LRIG2: variants seen among roughly 807,000 people sequenced by gnomAD.
The protein encoded by LRIG2 is leucine-rich repeats and immunoglobulin-like domains protein 2.
In LRIG2, 93 loss-of-function variants were observed where a neutral mutation model predicts 107.8. The ratio of observed to expected loss-of-function variants is 0.86; its 90% CI spans 0.73 to 1.03. LRIG2 has a LOEUF of 1.03. Among genes scored for constraint, LRIG2 ranks in the 50% least tolerant of loss-of-function variants. The pLI is 0.00. For missense variants in LRIG2, 1,226 were observed against 1,296.0 expected, an observed-to-expected ratio of 0.95 and a Z score of 0.83; for synonymous variants, 471 against 470.6, an observed-to-expected ratio of 1.00 and a Z score of -0.01.
chr1:113,105,630 G>C (rs1261862971), intron 11 of LRIG2, among the ~76,000 whole-genome samples: 1 of 152,082 alleles, frequency 6.6e-6, no homozygotes, highest in Non-Finnish European at 1.5e-5. Context: ...AGTTGCATTA[G>C]AGCCAGGTGT....
At chr1:113,120,154 A>C (rs926148707) in intron 17 of LRIG2, among the ~76,000 whole-genome samples, 1 of 151,884 alleles carries the variant, frequency 6.6e-6, no homozygotes, top group Non-Finnish European at 1.5e-5. Flanking sequence ...TAAATAAAAG[A>C]ATAAAATATG....
Position 113,112,418 on chromosome 1 carries a change from T to G in LRIG2, c.1799-61T>G. Reference sequence around the variant, plus strand: ...TACTAGATTCTTTCATGCCTATTTGTATGCATATATGTGTCTTTGTTCCCT... The same window carrying G: ...TACTAGATTCTTTCATGCCTATTTGGATGCATATATGTGTCTTTGTTCCCT... On this transcript the variant is annotated intron_variant, in intron 13 of 17. Transcript: ENST00000361127. 5 of 1,455,182 alleles carry G rather than the reference T, an allele frequency of 3.4e-6. No individual in the cohort carries two copies. The South Asian group carries it at 6.7e-5, about 19-fold the overall frequency. 90.1% of individuals were successfully genotyped at this position (1,455,182 alleles called of 1,614,324 possible).
intron 6 of LRIG2, among the ~76,000 whole-genome samples, chr1:113,095,553 C>T (rs146093643): frequency 0.013 from 2,040 of 152,062 alleles, 19 homozygotes; most frequent in East Asian, 0.034. Flanking sequence ...GGACTACAGG[C>T]GCGCGCCACC....
At chr1:113,117,959 A>C (rs34236373) in intron 16 of LRIG2, among the ~76,000 whole-genome samples, 17,478 of 150,788 alleles carry the variant, frequency 0.12, 1,114 homozygotes, top group Admixed American at 0.17. Context: ...CATTCTTGTC[A>C]CCCAGGCTGG....
chr1:113,111,945 T>C (rs962157092), intron 13 of LRIG2, among the ~76,000 whole-genome samples: 7 of 152,134 alleles, frequency 4.6e-5, no homozygotes, highest in South Asian at 2.1e-4. Flanking sequence ...GGAAGCATCA[T>C]TTAGCTTCAT....
In LRIG2 at chr1:113,110,284, T is replaced by A; in HGVS notation, c.1520T>A (p.Ile507Lys). 1 of 1,613,514 alleles carries A rather than the reference T, an allele frequency of 6.2e-7. No homozygotes were observed. The highest frequency in any genetic ancestry group is 1.1e-5 in the South Asian group (1 of 91,008). The change falls in exon 13 of 18, where the codon ATA (isoleucine) becomes AAA (lysine). Residue 507 changes from isoleucine (I) to lysine (K), a missense_variant. Around this residue, in one of 3 missense-constraint regions of LRIG2, gnomAD observed 642 missense variants for 712.2 expected, o/e 0.90. Transcript: ENST00000361127. ...CAGATAAGGACACATCCTGAAACCA[T>A]AATTGCTCTAAGAGGCATGAATGTG... Reference protein sequence around the residue: ...KPQIRTHPETIIALRGMNVTL... With the variant: ...KPQIRTHPETKIALRGMNVTL...
Sources: gnomAD v4.1 joint callset for allele counts (sites outside exome capture counted in the v4.1 genomes callset) on GRCh38, gnomAD v4.1.1 for gene constraint, gnomAD v4.1.1 regional missense constraint, MANE v1.5 for transcripts, NCBI Gene and HGNC (gene_info 2026-07-23, HGNC 2026-07-21) for gene names.